The following PPP2R2C variants were observed in gnomAD, a reference collection of about 807,000 sequenced individuals.
The protein encoded by PPP2R2C is protein phosphatase 2, regulatory subunit B, gamma.
In PPP2R2C, 10 loss-of-function variants were observed where a neutral mutation model predicts 45.3. The observed-to-expected ratio is 0.22, with a 90% CI of 0.14 to 0.37. PPP2R2C has a LOEUF of 0.37. Among genes scored for constraint, PPP2R2C ranks in the 10% least tolerant of loss-of-function variants. The pLI, the probability that PPP2R2C is intolerant of heterozygous loss-of-function variation, is 1.00. For missense variants in PPP2R2C, 308 were observed against 619.7 expected, an observed-to-expected ratio of 0.50 and a Z score of 5.34; for synonymous variants, 257 against 245.4, an observed-to-expected ratio of 1.05 and a Z score of -0.44.
In PPP2R2C at chr4:6,331,372, C is replaced by T. The variant is rs1277606400; in HGVS notation, c.961-2019G>A. ...AGAATACCGGCCCCACCTCCCAGGA[C>T]AGCTGGGAGGCTTAGATGAGGCAAA... On this transcript the variant is annotated intron_variant, in intron 7 of 8. Transcript: ENST00000382599. The surrounding 1 kb of genome is among the most constrained non-coding windows in gnomAD (Gnocchi z 5.9). Among the ~76,000 whole-genome samples, 10 of 152,076 alleles carry T rather than the reference C, an allele frequency of 6.6e-5. No homozygotes were observed. Among genetic ancestry groups the T allele is most frequent in the Admixed American group, 6.5e-4 (10 of 15,284 alleles).
chr4:6,409,616 G>A (rs556737800), intron 1 of PPP2R2C, among the ~76,000 whole-genome samples: 11 of 152,212 alleles, frequency 7.2e-5, no homozygotes, highest in African/African-American at 2.4e-4. Flanking sequence ...TGGCCAGAGA[G>A]TAGCAAGAGG....
At chr4:6,338,321 C>T (rs926339633) in intron 6 of PPP2R2C, among the ~76,000 whole-genome samples, 2 of 152,216 alleles carry the variant, frequency 1.3e-5, no homozygotes, top group Admixed American at 6.5e-5. Flanking sequence ...TCTCATGGCT[C>T]GAGCCGGTTC....
chr4:6,448,112 C>T (rs568103821), intron 1 of PPP2R2C, among the ~76,000 whole-genome samples: 1 of 152,276 alleles, frequency 6.6e-6, no homozygotes, highest in South Asian at 2.1e-4. Context: ...CCAGAGACCA[C>T]CTGAGGGCGA....
chr4:6,562,398 TACTTA>T (rs1395600451), intron 1 of PPP2R2C, among the ~76,000 whole-genome samples: 3 of 150,136 alleles, frequency 2.0e-5, no homozygotes, highest in African/African-American at 2.5e-5. Flanking sequence ...TCGGGCAAGT[TACTTA>T]ACTTCTCTGC....
intron 1 of PPP2R2C, among the ~76,000 whole-genome samples, chr4:6,401,493 A>T (rs564861613): frequency 5.3e-5 from 8 of 152,134 alleles, no homozygotes; most frequent in African/African-American, 1.9e-4. Flanking sequence ...GATGAACAAG[A>T]TGCAGCTATT....
chr4:6,350,864 G>A (rs1429936008), intron 5 of PPP2R2C: 6 of 985,310 alleles, frequency 6.1e-6, no homozygotes, highest in African/African-American at 1.7e-5. Flanking sequence ...CACTTGCAGC[G>A]TGAGTGGGAG....
intron 2 of PPP2R2C, among the ~76,000 whole-genome samples, chr4:6,486,669 G>C (rs1722538707): frequency 6.6e-6 from 1 of 152,046 alleles, no homozygotes; most frequent in Non-Finnish European, 1.5e-5. Context: ...AGCCACTGCA[G>C]CTTTCCTTTG....
intron 1 of PPP2R2C, among the ~76,000 whole-genome samples, chr4:6,390,119 G>C (rs1163817795): frequency 2.6e-5 from 4 of 152,182 alleles, no homozygotes; most frequent in African/African-American, 9.7e-5. Flanking sequence ...CAGGGATGCA[G>C]CTTTTACCTC....
chr4:6,327,744 G>C (rs539266556), intron 8 of PPP2R2C, among the ~76,000 whole-genome samples: 1 of 152,126 alleles, frequency 6.6e-6, no homozygotes, highest in Admixed American at 6.5e-5. Context: ...CCCCGGGTCG[G>C]GCCTCCATCC....
rs147911348 is a variant in PPP2R2C at position 6,332,098 on chromosome 4, CT to C, written c.960+1463del. On this transcript the variant is annotated intron_variant, in intron 7 of 8. Transcript: ENST00000382599. This position sits in a 1 kb window ranked among gnomAD's most constrained non-coding sequence, Gnocchi z 4.9. Reference sequence around the variant, plus strand: ...TTCAGAAAGCTGTGTCCCCCTCCCCCTGAAAATGCTCATAGAACACATTCCA... The same window carrying C: ...TTCAGAAAGCTGTGTCCCCCTCCCCCGAAAATGCTCATAGAACACATTCCA... Among the ~76,000 whole-genome samples the C allele has an allele frequency of 8.5e-5, 13 of 152,304 alleles. No homozygotes were observed. The highest frequency in any genetic ancestry group is 2.6e-4 in the African/African-American group (11 of 41,560).
chr4:6,532,949 A>C (rs898219077), intron 2 of PPP2R2C, among the ~76,000 whole-genome samples: 1 of 152,242 alleles, frequency 6.6e-6, no homozygotes, highest in Non-Finnish European at 1.5e-5. Flanking sequence ...GGCGAGCTCA[A>C]CACAGGGGGT....
chr4:6,467,748 T>C (rs1721664577), intron 1 of PPP2R2C, among the ~76,000 whole-genome samples: 1 of 152,116 alleles, frequency 6.6e-6, no homozygotes. Context: ...AAAGGAAAAG[T>C]AACAGCTCAT....
chr4:6,479,319 G>C (rs921644022), intron 2 of PPP2R2C, among the ~76,000 whole-genome samples: 6 of 152,148 alleles, frequency 3.9e-5, no homozygotes, highest in Non-Finnish European at 7.3e-5. Context: ...TGGCTCTCTT[G>C]GCTTGTTCGA....
At chr4:6,479,097 C>A (rs1722263088) in intron 2 of PPP2R2C, among the ~76,000 whole-genome samples, 1 of 152,172 alleles carries the variant, frequency 6.6e-6, no homozygotes, top group Non-Finnish European at 1.5e-5. Context: ...ACCACAGGAC[C>A]CACTTTACAA....
intron 2 of PPP2R2C, among the ~76,000 whole-genome samples, chr4:6,531,319 C>T (rs1724390606): frequency 6.6e-6 from 1 of 152,180 alleles, no homozygotes; most frequent in Non-Finnish European, 1.5e-5. Flanking sequence ...TGTGCACCCT[C>T]ACAGAGGAAA....
rs78815972 is a variant in PPP2R2C, at chr4:6,493,482, G to C, written c.49+41789C>G. The stretch of plus-strand genomic sequence containing the variant: ...AAGGCATGGTGCTGGGGAGAGGTGG[G>C]AGTTGTGTGCAACATAAAAATGGCA... On this transcript the variant is annotated intron_variant, in intron 2 of 9. Transcript: ENST00000506140. Among the ~76,000 whole-genome samples, 78 of 151,740 alleles carry C rather than the reference G, an allele frequency of 5.1e-4. No individual in the cohort carries two copies. The East Asian group carries it at 0.014, about 26-fold the overall frequency.
chr4:6,479,196 T>G (rs1284921748), intron 2 of PPP2R2C, among the ~76,000 whole-genome samples: 3 of 152,196 alleles, frequency 2.0e-5, no homozygotes, highest in African/African-American at 7.2e-5. Flanking sequence ...AGGGCTGGTA[T>G]AGTCAGCCCA....
At chr4:6,370,596 G>A (rs191021263) in intron 5 of PPP2R2C, among the ~76,000 whole-genome samples, 6 of 152,270 alleles carry the variant, frequency 3.9e-5, no homozygotes, top group African/African-American at 9.6e-5. Context: ...AACTGGTCTC[G>A]TTTCTCCTGG....
intron 1 of PPP2R2C, among the ~76,000 whole-genome samples, chr4:6,560,642 G>C (rs897821520): frequency 2.6e-5 from 4 of 152,182 alleles, no homozygotes; most frequent in Non-Finnish European, 5.9e-5. Flanking sequence ...CTGGAGCTCT[G>C]TGCCTATCCA....
Sources: allele counts gnomAD v4.1 joint callset (sites outside exome capture counted in the v4.1 genomes callset), GRCh38; gene constraint gnomAD v4.1.1; non-coding constraint Gnocchi (gnomAD v3.1); transcripts MANE v1.5; gene names NCBI Gene and HGNC (gene_info 2026-07-23, HGNC 2026-07-21).